The following RAD51B variants were observed in gnomAD, a reference collection of about 807,000 sequenced individuals.
RAD51B encodes the protein DNA repair protein RAD51 homolog 2.
In RAD51B, 38 loss-of-function variants were observed where a neutral mutation model predicts 42.2. The observed-to-expected ratio is 0.90, with a 90% CI of 0.70 to 1.18. The LOEUF (loss-of-function observed/expected upper bound fraction) is 1.18. Among genes scored for constraint, RAD51B ranks in the 50% most tolerant of loss-of-function variants. The pLI is 0.00. For synonymous variants in RAD51B, 154 were observed against 145.2 expected (o/e 1.06, Z -0.43); for missense variants, 373 against 400.7 (o/e 0.93, Z 0.59).
At chr14:68,443,425 C>T (rs1378534789) in intron 9 of RAD51B, among the ~76,000 whole-genome samples, 7 of 152,108 alleles carry the variant, frequency 4.6e-5, no homozygotes. Flanking sequence ...GCAGAAGGAA[C>T]CTGGGAGTGG....
chr14:68,121,755 A>C (rs1186262129), intron 7 of RAD51B, among the ~76,000 whole-genome samples: 9 of 152,182 alleles, frequency 5.9e-5, no homozygotes, highest in Admixed American at 5.9e-4. Context: ...TCAACTAAAA[A>C]ATTTACAAAA....
At chr14:68,332,378 G>C (rs894243909) in intron 8 of RAD51B, among the ~76,000 whole-genome samples, 3 of 152,004 alleles carry the variant, frequency 2.0e-5, no homozygotes, top group Non-Finnish European at 4.4e-5. Flanking sequence ...ACAGAATAAA[G>C]GTAATTAATC....
intron 7 of RAD51B, among the ~76,000 whole-genome samples, chr14:68,107,987 G>A (rs2077401600): frequency 6.6e-6 from 1 of 151,644 alleles, no homozygotes; most frequent in African/African-American, 2.4e-5. Flanking sequence ...TATACCAATA[G>A]AAAGACAAAT....
At chr14:68,400,667 GA>G (rs201816461) in intron 8 of RAD51B, among the ~76,000 whole-genome samples, 25 of 151,838 alleles carry the variant, frequency 1.6e-4, no homozygotes, top group Non-Finnish European at 2.4e-4. Flanking sequence ...CACTGTGGGG[GA>G]AAAAAAACAT....
At chr14:68,504,746 G>A (rs888741431) in intron 10 of RAD51B, among the ~76,000 whole-genome samples, 8 of 127,526 alleles carry the variant, frequency 6.3e-5, no homozygotes, top group African/African-American at 9.1e-5. Context: ...AGTAATAATC[G>A]CATATGGCTT....
chr14:68,078,678 A>T (rs894514058), intron 7 of RAD51B, among the ~76,000 whole-genome samples: 1 of 152,150 alleles, frequency 6.6e-6, no homozygotes, highest in Non-Finnish European at 1.5e-5. Flanking sequence ...CATTGGTTTT[A>T]TCAAGATCCT....
chr14:67,977,641 A>T (rs1377816319), intron 7 of RAD51B, among the ~76,000 whole-genome samples: 1 of 152,226 alleles, frequency 6.6e-6, no homozygotes, highest in Non-Finnish European at 1.5e-5. Context: ...TATGGATTTG[A>T]TTCACAAAGA....
At chr14:68,115,197 A>G (rs559575384) in intron 7 of RAD51B, among the ~76,000 whole-genome samples, 1 of 136,338 alleles carries the variant, frequency 7.3e-6, no homozygotes, top group East Asian at 2.1e-4. Context: ...CATATACACC[A>G]TGGAATACTA....
chr14:68,545,525 G>A lies in RAD51B; in HGVS notation c.1037-48960G>A, dbSNP rs775029437. 5 of 455,828 alleles carry A rather than the reference G, an allele frequency of 1.1e-5. No individual in the cohort carries two copies. The East Asian group carries it at 2.8e-4, about 25-fold the overall frequency. 28.2% of individuals were successfully genotyped at this position (455,828 alleles called of 1,614,324 possible). A position where few individuals can be genotyped will look rare whatever the true frequency, so the allele number is the denominator to read the frequency against. On this transcript the variant is annotated intron_variant, in intron 10 of 10. Transcript: ENST00000487270. ...CTTTAATGCCTTAACTGTCTAGCAGGAAAGACATTATTATGAGTACCTGGG... is the reference window on the plus strand; with the variant it reads ...CTTTAATGCCTTAACTGTCTAGCAGAAAAGACATTATTATGAGTACCTGGG...
At chr14:67,855,512 T>C (rs538622190) in intron 4 of RAD51B, among the ~76,000 whole-genome samples, 60 of 152,156 alleles carry the variant, frequency 3.9e-4, no homozygotes, top group African/African-American at 1.4e-3. Flanking sequence ...AGTGCTGGGA[T>C]TATAGGCTTG....
chr14:68,193,390 T>C (rs2079305615), intron 7 of RAD51B, among the ~76,000 whole-genome samples: 1 of 152,118 alleles, frequency 6.6e-6, no homozygotes, highest in Non-Finnish European at 1.5e-5. Context: ...GTTTTTTCCC[T>C]CAACAAGAAG....
intron 7 of RAD51B, among the ~76,000 whole-genome samples, chr14:68,064,267 A>G (rs1595347118): frequency 6.6e-6 from 1 of 152,172 alleles, no homozygotes; most frequent in South Asian, 2.1e-4. Context: ...TGCTGTGAAC[A>G]TGTGATTTTA....
At chr14:68,600,978 G>A (rs907694198), downstream of RAD51B, among the ~76,000 whole-genome samples, 7 of 139,136 alleles carry the variant, frequency 5.0e-5, no homozygotes, top group South Asian at 1.5e-3. Context: ...GGGTACCCGT[G>A]AAACACAAAC....
chr14:67,925,490 C>T (rs1415939670), intron 7 of RAD51B, among the ~76,000 whole-genome samples: 2 of 152,118 alleles, frequency 1.3e-5, no homozygotes, highest in Non-Finnish European at 2.9e-5. Flanking sequence ...CCAGGTTGGT[C>T]TCGAACTCCT....
chr14:67,961,922 T>TG (rs1489046910), intron 7 of RAD51B, among the ~76,000 whole-genome samples: 1 of 152,212 alleles, frequency 6.6e-6, no homozygotes, highest in African/African-American at 2.4e-5. Flanking sequence ...AAAAGCCTTT[T>TG]GGGCTTTTAT....
chr14:68,389,403 A>G (rs931719255), intron 8 of RAD51B, among the ~76,000 whole-genome samples: 2 of 151,672 alleles, frequency 1.3e-5, no homozygotes, highest in Non-Finnish European at 2.9e-5. Flanking sequence ...CTTTGGTACT[A>G]TTTTCTTTTA....
intron 7 of RAD51B, among the ~76,000 whole-genome samples, chr14:68,201,723 T>C (rs1039624719): frequency 1.3e-5 from 2 of 152,234 alleles, no homozygotes; most frequent in Admixed American, 6.5e-5. Context: ...GTGATGACTG[T>C]GGCCTGTAGA....
chr14:68,597,228 C>T (rs1486739578), downstream of RAD51B, among the ~76,000 whole-genome samples: 2 of 152,162 alleles, frequency 1.3e-5, no homozygotes, highest in Non-Finnish European at 2.9e-5. Context: ...TGAGGCTAGG[C>T]CAGGAGCTGT....
chr14:68,118,771 C>T (rs1172834827), intron 7 of RAD51B, among the ~76,000 whole-genome samples: 1 of 151,968 alleles, frequency 6.6e-6, no homozygotes, highest in African/African-American at 2.4e-5. Context: ...TATAATAGCT[C>T]GTGTGTGTGT....
Sources: allele counts gnomAD v4.1 joint callset (sites outside exome capture counted in the v4.1 genomes callset), GRCh38; gene constraint gnomAD v4.1.1; transcripts MANE v1.5; gene names NCBI Gene and HGNC (gene_info 2026-07-23, HGNC 2026-07-21).